Variants in ITGB3BP observed in about 807,000 individuals in gnomAD.
ITGB3BP encodes integrin subunit beta 3 binding protein.
A neutral mutation model predicts 29.1 loss-of-function variants in ITGB3BP; 27 were observed. That is an observed-to-expected ratio of 0.93 (90% CI 0.68 to 1.28). The LOEUF (loss-of-function observed/expected upper bound fraction) is 1.28, where lower values mean the gene tolerates loss of function less well. Ranked by LOEUF, ITGB3BP falls within the 50% of genes most tolerant of loss-of-function variation. The pLI is 0.00. For missense variants in ITGB3BP, 192 were observed against 200.2 expected (o/e 0.96, Z 0.25); for synonymous variants, 61 against 61.4 (o/e 0.99, Z 0.03).
intron 2 of ITGB3BP, among the ~76,000 whole-genome samples, chr1:63,495,776 T>C (rs999854896): frequency 1.1e-4 from 16 of 152,276 alleles, no homozygotes; most frequent in Admixed American, 9.8e-4. Context: ...ATGCTTTATC[T>C]TAGGCTCCAC....
rs562989599 is a variant in ITGB3BP, at chr1:63,485,567, T to G, written c.184+4516A>C. Among the ~76,000 whole-genome samples, 32 of 152,246 alleles carry G rather than the reference T, an allele frequency of 2.1e-4. No individual in the cohort carries two copies. In the South Asian group the frequency reaches 5.8e-3, roughly 28 times the overall value. On this transcript the variant is annotated intron_variant, in intron 3 of 8. Coordinates refer to ENST00000271002, the MANE Select transcript of ITGB3BP (RefSeq NM_014288.5). Reference sequence around the variant, plus strand: ...AGATTAACATGTTTGCTAATTCACTTTTTCATCATTGCTTTTTGCAATTCC... The same window carrying G: ...AGATTAACATGTTTGCTAATTCACTGTTTCATCATTGCTTTTTGCAATTCC...
chr1:63,523,625 C>T (rs144554384), upstream of ITGB3BP: 613 of 187,372 alleles, frequency 3.3e-3, 3 homozygotes, highest in African/African-American at 0.014. Flanking sequence ...TGTTTGTGAG[C>T]TAGAATTAGG....
chr1:63,508,816 G>T (rs1646135832), intron 1 of ITGB3BP, among the ~76,000 whole-genome samples: 1 of 152,002 alleles, frequency 6.6e-6, no homozygotes, highest in Non-Finnish European at 1.5e-5. Context: ...AATATATGCA[G>T]TTATATATAC....
chr1:63,510,922 C>A (rs1057482299), intron 1 of ITGB3BP, among the ~76,000 whole-genome samples: 3 of 151,918 alleles, frequency 2.0e-5, no homozygotes, highest in Non-Finnish European at 4.4e-5. Context: ...ATAGAAGAGA[C>A]GGATGAAACA....
intron 1 of ITGB3BP, among the ~76,000 whole-genome samples, chr1:63,522,266 C>G (rs1343267966): frequency 3.9e-5 from 6 of 152,322 alleles, no homozygotes; most frequent in Non-Finnish European, 5.9e-5. Flanking sequence ...GTACAGCTTT[C>G]CCCTTTCATG....
At chr1:63,509,730 T>C (rs1646156560) in intron 1 of ITGB3BP, among the ~76,000 whole-genome samples, 2 of 152,240 alleles carry the variant, frequency 1.3e-5, no homozygotes, top group Admixed American at 1.3e-4. Flanking sequence ...TTTATGCTTT[T>C]AGAAATCTAC....
intron 1 of ITGB3BP, among the ~76,000 whole-genome samples, chr1:63,515,379 A>T (rs536738720): frequency 6.6e-6 from 1 of 152,184 alleles, no homozygotes; most frequent in South Asian, 2.1e-4. Flanking sequence ...TTCATTACCA[A>T]CACTTTATGC....
chr1:63,472,056 C>CTT (rs56806443), intron 4 of ITGB3BP, among the ~76,000 whole-genome samples: 4 of 149,928 alleles, frequency 2.7e-5, no homozygotes, highest in African/African-American at 9.8e-5. Flanking sequence ...AGTGAATAAC[C>CTT]TTTTTTTTTT....
chr1:63,487,986 T>C (rs887879958), intron 3 of ITGB3BP, among the ~76,000 whole-genome samples: 1 of 152,130 alleles, frequency 6.6e-6, no homozygotes, highest in Non-Finnish European at 1.5e-5. Context: ...GAAATGTTAT[T>C]ATGTGCTGCA....
At chr1:63,468,861 CAAAATAAATAAA>C (rs1331081352) in intron 4 of ITGB3BP, among the ~76,000 whole-genome samples, 1 of 87,924 alleles carries the variant, frequency 1.1e-5, no homozygotes, top group Non-Finnish European at 2.3e-5. Flanking sequence ...AACTCTGTCT[CAAAATAAATAAA>C]TAAATAAATA....
At chr1:63,523,354 A>G (rs1451629193), upstream of ITGB3BP, 7 of 614,544 alleles carry the variant, frequency 1.1e-5, no homozygotes, top group African/African-American at 3.7e-5. Flanking sequence ...GACAGCACCT[A>G]TTTCCTGCTG....
intron 4 of ITGB3BP, among the ~76,000 whole-genome samples, chr1:63,477,422 G>T (rs896291526): frequency 6.6e-6 from 1 of 152,152 alleles, no homozygotes; most frequent in African/African-American, 2.4e-5. Context: ...TACAGCATAA[G>T]ATCATAAGCT....
chr1:63,504,895 C>T (rs948164363), intron 2 of ITGB3BP, among the ~76,000 whole-genome samples: 5 of 152,150 alleles, frequency 3.3e-5, no homozygotes. Context: ...TTTTGATGTG[C>T]TGCTGGATTC....
chr1:63,502,621 G>A (rs1000477088), intron 2 of ITGB3BP, among the ~76,000 whole-genome samples: 6 of 150,370 alleles, frequency 4.0e-5, no homozygotes, highest in South Asian at 4.2e-4. Flanking sequence ...CCATTAACTC[G>A]TCATTTAACA....
intron 1 of ITGB3BP, among the ~76,000 whole-genome samples, chr1:63,518,946 T>C (rs1570342202): frequency 6.6e-6 from 1 of 152,304 alleles, no homozygotes. Context: ...AGAGTTATAA[T>C]AATACAGTAC....
chr1:63,464,416 G>A (rs1363076206), intron 4 of ITGB3BP, among the ~76,000 whole-genome samples: 7 of 152,148 alleles, frequency 4.6e-5, no homozygotes, highest in African/African-American at 9.7e-5. Flanking sequence ...CTGCTCTTAG[G>A]AGACAGAGAT....
chr1:63,484,903 T>C (rs1490455412), intron 3 of ITGB3BP, among the ~76,000 whole-genome samples: 1 of 152,108 alleles, frequency 6.6e-6, no homozygotes, highest in Non-Finnish European at 1.5e-5. Flanking sequence ...GATGCACATA[T>C]GGCTCAGGAT....
intron 3 of ITGB3BP, 30 bp downstream of exon 3, chr1:63,490,049 CCTTA>C: frequency 6.3e-7 from 1 of 1,584,758 alleles, no homozygotes; most frequent in Non-Finnish European, 8.6e-7. Context: ...ACTAGAAAAA[CCTTA>C]CAATAAGTAG....
At chr1:63,452,647 T>TTA (rs1553159128) in intron 7 of ITGB3BP, among the ~76,000 whole-genome samples, 80,624 of 150,312 alleles carry the variant, frequency 0.54, 22,098 homozygotes, top group East Asian at 0.67. Context: ...TTTTTTTTTT[T>TTA]AAAAGATCCC....
Sources: allele counts gnomAD v4.1 joint callset (sites outside exome capture counted in the v4.1 genomes callset), GRCh38; gene constraint gnomAD v4.1.1; transcripts MANE v1.5; gene names NCBI Gene and HGNC (gene_info 2026-07-23, HGNC 2026-07-21).